ANKRD29: variants seen among roughly 807,000 people sequenced by gnomAD.
ANKRD29 encodes the protein ankyrin repeat domain 29, also known as ankyrin repeat domain-containing protein 29.
ANKRD29 carries 32 observed loss-of-function variants against 38.0 expected under a neutral mutation model. The observed-to-expected ratio is 0.84, with a 90% CI of 0.64 to 1.13. The LOEUF (loss-of-function observed/expected upper bound fraction) is 1.13. Ranked by LOEUF, ANKRD29 falls within the 50% of genes most tolerant of loss-of-function variation. ANKRD29 has a pLI of 0.00. For missense variants in ANKRD29, 357 were observed against 377.9 expected, an observed-to-expected ratio of 0.94 and a Z score of 0.46; for synonymous variants, 135 against 152.4, an observed-to-expected ratio of 0.89 and a Z score of 0.84.
rs1443604042 is a variant in ANKRD29, at chr18:23,617,474, A to G, written c.723+258T>C. On this transcript the variant is annotated intron_variant, in intron 8 of 9. Transcript: ENST00000592179. ...TGGTGTCAAAATGGCATACTTTCCA[A>G]TTAGCTATTTCATTACTACTGTCGA... 2.0e-5 allele frequency among the ~76,000 whole-genome samples: 3 copies of G among 152,082 alleles called. 1 individual carries two copies. The highest frequency in any genetic ancestry group is 4.4e-5 in the Non-Finnish European group (3 of 68,022).
At chr18:23,628,976 C>A (rs2059895358) in intron 6 of ANKRD29, among the ~76,000 whole-genome samples, 1 of 151,660 alleles carries the variant, frequency 6.6e-6, no homozygotes, top group East Asian at 1.9e-4. Flanking sequence ...CTTTTTTCTT[C>A]TTTTTAAAAA....
At chr18:23,608,827 C>CA (rs2059604620) in intron 9 of ANKRD29, among the ~76,000 whole-genome samples, 1 of 152,162 alleles carries the variant, frequency 6.6e-6, no homozygotes, top group African/African-American at 2.4e-5. Context: ...AAATTAGCTA[C>CA]AAGATTAGAA....
chr18:23,637,038 G>A (rs2060011629), intron 4 of ANKRD29, among the ~76,000 whole-genome samples: 1 of 152,088 alleles, frequency 6.6e-6, no homozygotes, highest in Non-Finnish European at 1.5e-5. Flanking sequence ...GAAACCTGTG[G>A]AATTGCTCAT....
At chr18:23,623,014 T>C (rs921129798) in intron 6 of ANKRD29, among the ~76,000 whole-genome samples, 4 of 152,216 alleles carry the variant, frequency 2.6e-5, no homozygotes, top group Admixed American at 2.0e-4. Context: ...TGAGTGAGTG[T>C]CCTCTTAGGA....
At chr18:23,654,556 T>C (rs2060254019) in intron 1 of ANKRD29, among the ~76,000 whole-genome samples, 1 of 145,472 alleles carries the variant, frequency 6.9e-6, no homozygotes, top group Admixed American at 7.1e-5. Context: ...GAGGTGGAGG[T>C]TGCAGTGAAC....
At chr18:23,662,584 GA>G in intron 1 of ANKRD29, 125 bp downstream of exon 1, 1 of 940,728 alleles carries the variant, frequency 1.1e-6, no homozygotes, top group Non-Finnish European at 1.4e-6. Flanking sequence ...GAGGAGAGAG[GA>G]AGGAGGAGGC....
At chr18:23,648,565 G>C (rs559910719) in intron 2 of ANKRD29, 1 of 216,150 alleles carries the variant, frequency 4.6e-6, no homozygotes, top group African/African-American at 2.3e-5. Context: ...TCTCTAAGTG[G>C]TATCTGCCAG....
chr18:23,646,326 C>G, intron 2 of ANKRD29, 39 bp from the exon 3 acceptor site: 1 of 1,574,668 alleles, frequency 6.4e-7, no homozygotes, highest in Non-Finnish European at 8.7e-7. Flanking sequence ...TAGGCCACTG[C>G]TATGTCAGAG....
intron 9 of ANKRD29, among the ~76,000 whole-genome samples, 159 bp from the exon 10 acceptor site, chr18:23,601,468 A>G (rs1568000124): frequency 6.6e-6 from 1 of 152,158 alleles, no homozygotes; most frequent in Admixed American, 6.5e-5. Flanking sequence ...TCTTCTTTAA[A>G]TGTATAAATA....
chr18:23,649,060 A>G, intron 2 of ANKRD29, 23 bp downstream of exon 2: 1 of 1,603,898 alleles, frequency 6.2e-7, no homozygotes. Flanking sequence ...CATGCTGGGC[A>G]TGCATCTACC....
intron 9 of ANKRD29, among the ~76,000 whole-genome samples, chr18:23,605,030 C>A (rs1464821961): frequency 6.6e-6 from 1 of 152,090 alleles, no homozygotes; most frequent in Non-Finnish European, 1.5e-5. Context: ...AAGTGATTCT[C>A]CTGCTTCAGC....
chr18:23,639,896 G>A (rs2060051391), intron 3 of ANKRD29, among the ~76,000 whole-genome samples: 1 of 152,154 alleles, frequency 6.6e-6, no homozygotes, highest in Non-Finnish European at 1.5e-5. Context: ...TGGTTGCCAG[G>A]GGCTGGGGGA....
At chr18:23,610,590 T>G (rs2059629181) in intron 9 of ANKRD29, among the ~76,000 whole-genome samples, 1 of 151,526 alleles carries the variant, frequency 6.6e-6, no homozygotes, top group East Asian at 1.9e-4. Context: ...AGACCAGGAG[T>G]TCAAGACCAG....
At position 23,619,646 on chromosome 18, in the gene ANKRD29, C is replaced by A. The variant is rs1282212563; in HGVS notation, c.529-17G>T. ...TGTCCCGTCCTGCGGGAAGAGGAGG[C>A]GGCGGCCGCCGTGACTGGGGCGCCC... On this transcript the variant is annotated splice_polypyrimidine_tract_variant and intron_variant, in intron 6 of 9. Coordinates refer to ENST00000592179, the MANE Select transcript of ANKRD29 (RefSeq NM_173505.4). 5 of 1,528,886 alleles carry A rather than the reference C, an allele frequency of 3.3e-6. No homozygotes were observed. In the East Asian group the frequency reaches 7.3e-5, roughly 22 times the overall value. 94.7% of individuals were successfully genotyped at this position (1,528,886 alleles called of 1,614,324 possible). A position where few individuals can be genotyped will look rare whatever the true frequency, so the allele number is the denominator to read the frequency against.
chr18:23,624,906 A>G (rs893447094), intron 6 of ANKRD29, among the ~76,000 whole-genome samples: 8 of 152,214 alleles, frequency 5.3e-5, no homozygotes, highest in African/African-American at 1.9e-4. Context: ...CACAACCTGT[A>G]TTAGAGACTA....
intron 8 of ANKRD29, among the ~76,000 whole-genome samples, chr18:23,615,536 G>A (rs1416587847): frequency 1.3e-5 from 2 of 151,800 alleles, no homozygotes; most frequent in Non-Finnish European, 2.9e-5. Context: ...AGCCTCCCAA[G>A]TAGCTGGGAC....
intron 9 of ANKRD29, among the ~76,000 whole-genome samples, chr18:23,601,513 A>AT (rs1273944623): frequency 6.6e-6 from 1 of 152,086 alleles, no homozygotes; most frequent in Admixed American, 6.6e-5. Flanking sequence ...TCTTAGAGAC[A>AT]TTTTCCAGCC....
At position 23,634,129 on chromosome 18, in the gene ANKRD29, C is replaced by T. The variant is rs1047961772; in HGVS notation, c.351G>A (p.Leu117=). 14 of 1,614,182 alleles carry T rather than the reference C, an allele frequency of 8.7e-6. No individual in the cohort carries two copies. The highest frequency in any genetic ancestry group is 1.2e-5 in the Non-Finnish European group (14 of 1,180,040). The change falls in exon 5 of 10, where the codon TTG becomes TTA. Residue 117 remains leucine (L), a synonymous_variant. Coordinates refer to ENST00000592179, the MANE Select transcript of ANKRD29 (RefSeq NM_173505.4). ...GCATGTGCCCGTACTGACTGGCAGC[C>T]AACAGGGCGGTGCCCCCGTCCTATG... ...FRTKDGGTAL[L]AASQYGHMQV...
Position 23,642,793 on chromosome 18 carries a change from A to C in ANKRD29, c.231+3396T>G, listed in dbSNP as rs150098274. Among the ~76,000 whole-genome samples the C allele has an allele frequency of 1.6e-3, 249 of 152,362 alleles. 1 individual carries two copies. The highest frequency in any genetic ancestry group is 5.7e-3 in the African/African-American group (238 of 41,586). On this transcript the variant is annotated intron_variant, in intron 3 of 9. Transcript: ENST00000592179. ...GGGCCCTGCATGCACAGTTAGACTTAAACTTCAACTTACAGTCACCTCTTC... is the reference window on the plus strand; with the variant it reads ...GGGCCCTGCATGCACAGTTAGACTTCAACTTCAACTTACAGTCACCTCTTC...
Sources: gnomAD v4.1 joint callset for allele counts (sites outside exome capture counted in the v4.1 genomes callset) on GRCh38, gnomAD v4.1.1 for gene constraint, MANE v1.5 for transcripts, NCBI Gene and HGNC (gene_info 2026-07-23, HGNC 2026-07-21) for gene names.